Variants in GTF3C1 observed in about 807,000 individuals in gnomAD.
GTF3C1 encodes general transcription factor IIIC subunit 1.
GTF3C1 carries 57 observed loss-of-function variants against 226.7 expected under a neutral mutation model. That is an observed-to-expected ratio of 0.25 (90% CI 0.20 to 0.31). The LOEUF is 0.31. Ranked by LOEUF, GTF3C1 falls within the 10% of genes least tolerant of loss-of-function variation. The probability of loss-of-function intolerance (pLI) is 1.00; values close to 1 mark genes in which losing one functional copy is unlikely to be tolerated. For synonymous variants in GTF3C1, 1,090 were observed against 1,084.8 expected (o/e 1.00, Z -0.09); for missense variants, 2,217 against 2,776.1 (o/e 0.80, Z 4.53).
intron 6 of GTF3C1, among the ~76,000 whole-genome samples, chr16:27,524,681 T>C (rs918384382): frequency 8.5e-5 from 13 of 152,232 alleles, no homozygotes; most frequent in Non-Finnish European, 1.6e-4. Flanking sequence ...TACAGTTGCC[T>C]GTCTAGCAAA....
intron 23 of GTF3C1, 141 bp from the exon 24 acceptor site, chr16:27,486,295 C>A: frequency 1.9e-6 from 1 of 537,024 alleles, no homozygotes; most frequent in Non-Finnish European, 3.3e-6. Flanking sequence ...TATCTAAAGT[C>A]ACATAAACTA....
chr16:27,529,989 C>A (rs2088891127), intron 5 of GTF3C1, among the ~76,000 whole-genome samples: 1 of 152,214 alleles, frequency 6.6e-6, no homozygotes, highest in South Asian at 2.1e-4. Flanking sequence ...GGGTATCACC[C>A]TCCTGGGCAC....
Position 27,520,253 on chromosome 16 carries a change from T to G in GTF3C1, c.973+8345A>C, listed in dbSNP as rs374714833. On this transcript the variant is annotated intron_variant, in intron 6 of 36. Coordinates refer to ENST00000356183, the MANE Select transcript of GTF3C1 (RefSeq NM_001520.4). ...CCTCAGCTTCCTGAGTAGCTGGGAT[T>G]ACAGGCGTGCGCTAACACACCCGGC... Among the ~76,000 whole-genome samples, 8 of 152,306 alleles carry G rather than the reference T, an allele frequency of 5.3e-5. No homozygotes were observed. In the East Asian group the frequency reaches 1.6e-3, roughly 30 times the overall value.
Position 27,495,536 on chromosome 16 carries a change from C to A in GTF3C1, c.2351-44G>T, listed in dbSNP as rs112438814. 9.2e-5 allele frequency: 144 copies of A among 1,560,906 alleles called. 2 individuals are homozygous for A. In the African/African-American group the frequency reaches 1.2e-3, roughly 13 times the overall value. On this transcript the variant is annotated intron_variant, in intron 14 of 36. Transcript: ENST00000356183. ...AGGGCGGTGCTTGAAAAATCCCATA[C>A]TGAATTCAGTTTTAATTCATTAAAA...
chr16:27,486,059 A>C lies in GTF3C1; in HGVS notation c.3796T>G (p.Ser1266Ala). ...QRMTRLRVTWSMQEDGLLVLC... is the reference protein window; with the variant it reads ...QRMTRLRVTWAMQEDGLLVLC... ...ACAAGCAGCCCATCCTCCTGCATAG[A>C]CCAGGTGACACGAAGCCGCGTCATC... The change falls in exon 24 of 37, where the codon TCT becomes GCT. Residue 1266 changes from serine (S) to alanine (A), a missense_variant. Ser to Ala is a moderately conservative substitution (Grantham distance 99, BLOSUM62 1). Transcript: ENST00000356183. 6.2e-7 allele frequency: 1 copy of C among 1,611,554 alleles called. No individual in the cohort carries two copies. The highest frequency in any genetic ancestry group is 1.1e-5 in the South Asian group (1 of 90,978).
intron 1 of GTF3C1, among the ~76,000 whole-genome samples, 199 bp downstream of exon 1, chr16:27,549,471 C>A (rs1225476711): frequency 6.6e-6 from 1 of 152,224 alleles, no homozygotes; most frequent in Non-Finnish European, 1.5e-5. Context: ...CTCCCCCTCC[C>A]CCCGCCAACT....
intron 16 of GTF3C1, among the ~76,000 whole-genome samples, chr16:27,493,958 C>T (rs2088271619): frequency 6.6e-6 from 1 of 151,732 alleles, no homozygotes; most frequent in African/African-American, 2.4e-5. Context: ...AGATCACACA[C>T]ATACCCGTGT....
chr16:27,506,124 G>A lies in GTF3C1; in HGVS notation c.1553-8C>T. 1 of 1,551,396 alleles carries A rather than the reference G, an allele frequency of 6.4e-7. No homozygotes were observed. The highest frequency in any genetic ancestry group is 8.9e-7 in the Non-Finnish European group (1 of 1,123,450). ...TTACAACTTTCCACCCACCTGTGGT[G>A]GAGGGAAGAGATAGAACAAATCAAG... On this transcript the variant is annotated splice_polypyrimidine_tract_variant and splice_region_variant and intron_variant, in intron 9 of 36. Coordinates refer to ENST00000356183, the MANE Select transcript of GTF3C1 (RefSeq NM_001520.4).
chr16:27,489,217 G>T, intron 20 of GTF3C1, 39 bp from the exon 21 acceptor site: 2 of 1,608,066 alleles, frequency 1.2e-6, no homozygotes, highest in Non-Finnish European at 1.7e-6. Context: ...GCCCTTCTTG[G>T]TCATCACCGA....
intron 7 of GTF3C1, among the ~76,000 whole-genome samples, chr16:27,511,240 G>A (rs1248467491): frequency 1.3e-5 from 2 of 152,168 alleles, no homozygotes; most frequent in Admixed American, 6.5e-5. Flanking sequence ...AGAGGAAGGC[G>A]AACTTGCCCT....
At chr16:27,516,527 G>A (rs1320016619) in intron 6 of GTF3C1, among the ~76,000 whole-genome samples, 2 of 152,248 alleles carry the variant, frequency 1.3e-5, no homozygotes, top group African/African-American at 4.8e-5. Context: ...ACTCTCTTCT[G>A]TATCCGCCCG....
At position 27,549,852 on chromosome 16, in the gene GTF3C1, C is replaced by T; in HGVS notation, c.39G>A (p.Leu13=). ...GCAGACACAGGCCATCGAGCCCCTC[C>T]AGAGCGACTTCGTCCAACAACGACT... ...ALESLLDEVA[L]EGLDGLCLPA... Residue 13 remains leucine, a synonymous_variant, in exon 1 of 37, where the codon CTG becomes CTA. Coordinates refer to ENST00000356183, the MANE Select transcript of GTF3C1 (RefSeq NM_001520.4). 6.2e-7 allele frequency: 1 copy of T among 1,613,126 alleles called. No individual in the cohort carries two copies. Among genetic ancestry groups the T allele is most frequent in the Non-Finnish European group, 8.5e-7 (1 of 1,179,820 alleles).
intron 21 of GTF3C1, 74 bp downstream of exon 21, chr16:27,488,969 G>C: frequency 7.3e-7 from 1 of 1,368,376 alleles, no homozygotes; most frequent in Non-Finnish European, 1.0e-6. Context: ...TTGTGTCTCT[G>C]GTCAGGCAGG....
rs2087837208 is a variant in GTF3C1 at position 27,469,686 on chromosome 16, G to C, written c.4815-136C>G. On this transcript the variant is annotated intron_variant, in intron 31 of 36. Transcript: ENST00000356183. The surrounding 1 kb of genome is among the most constrained non-coding windows in gnomAD (Gnocchi z 4.5). ...CAACTGGCTATGCTTCATTACCAAG[G>C]CTGGTGTGGATGGCTGCCCCAGATC... The C allele has an allele frequency of 2.1e-6, 2 of 969,788 alleles. No homozygotes were observed. Among genetic ancestry groups the C allele is most frequent in the Non-Finnish European group, 3.1e-6 (2 of 643,544 alleles). 60.1% of individuals were successfully genotyped at this position (969,788 alleles called of 1,614,324 possible).
At chr16:27,478,065 G>C (rs965903340) in intron 28 of GTF3C1, among the ~76,000 whole-genome samples, 12 of 152,110 alleles carry the variant, frequency 7.9e-5, no homozygotes, top group Admixed American at 6.5e-4. Flanking sequence ...CAGCTATTCG[G>C]GAGGCTGAAG....
At chr16:27,478,420 C>T (rs1326044917) in intron 28 of GTF3C1, 49 bp downstream of exon 28, 6 of 1,242,298 alleles carry the variant, frequency 4.8e-6, no homozygotes, top group Non-Finnish European at 7.1e-6. Context: ...TGTCAGCCAT[C>T]AAGTTATTAA....
rs565714954 is a variant in GTF3C1, at chr16:27,525,598, A to G, written c.973+3000T>C. 8.9e-4 allele frequency among the ~76,000 whole-genome samples: 135 copies of G among 152,358 alleles called. 3 individuals are homozygous for G. The Middle Eastern group carries it at 0.014, about 15-fold the overall frequency. On this transcript the variant is annotated intron_variant, in intron 6 of 36. Transcript: ENST00000356183. ...CATTAACTAAGCTAGGAAATAAAGGAAGAGACAAGCTTCCCTAGATGGGCA... is the reference window on the plus strand; with the variant it reads ...CATTAACTAAGCTAGGAAATAAAGGGAGAGACAAGCTTCCCTAGATGGGCA...
chr16:27,465,927 C>T, intron 32 of GTF3C1: 1 of 257,642 alleles, frequency 3.9e-6, no homozygotes, highest in Non-Finnish European at 7.6e-6. Context: ...CATGTACCCA[C>T]TGTTCCTTAG....
At chr16:27,525,679 G>T (rs1056668447) in intron 6 of GTF3C1, among the ~76,000 whole-genome samples, 1 of 152,188 alleles carries the variant, frequency 6.6e-6, no homozygotes, top group South Asian at 2.1e-4. Context: ...ACTGAGCCCC[G>T]CCCTGGGGGT....
Sources: allele counts gnomAD v4.1 joint callset (sites outside exome capture counted in the v4.1 genomes callset), GRCh38; gene constraint gnomAD v4.1.1; non-coding constraint Gnocchi (gnomAD v3.1); transcripts MANE v1.5; gene names NCBI Gene and HGNC (gene_info 2026-07-23, HGNC 2026-07-21).